The following RERG variants were observed in gnomAD, a reference collection of about 807,000 sequenced individuals.
RERG encodes ras-related and estrogen-regulated growth inhibitor.
A neutral mutation model predicts 23.2 loss-of-function variants in RERG; 25 were observed. The observed-to-expected ratio is 1.08, with a 90% CI of 0.79 to 1.50. The LOEUF (loss-of-function observed/expected upper bound fraction) is 1.50, where lower values mean the gene tolerates loss of function less well. Among genes scored for constraint, RERG ranks in the 40% most tolerant of loss-of-function variants. RERG has a pLI of 0.00. For synonymous variants in RERG, 81 were observed against 89.1 expected (o/e 0.91, Z 0.51); for missense variants, 253 against 250.1 (o/e 1.01, Z -0.08).
intron 2 of RERG, among the ~76,000 whole-genome samples, chr12:15,174,882 T>G (rs1018132559): frequency 5.3e-5 from 8 of 152,152 alleles, no homozygotes; most frequent in Non-Finnish European, 7.4e-5. Context: ...TGATTTATTT[T>G]CATGTTTTCT....
chr12:15,161,624 T>C (rs1864616336), intron 2 of RERG, among the ~76,000 whole-genome samples: 1 of 152,214 alleles, frequency 6.6e-6, no homozygotes, highest in African/African-American at 2.4e-5. Context: ...ACTTGATTGA[T>C]TATTTATCAA....
intron 2 of RERG, among the ~76,000 whole-genome samples, chr12:15,172,787 A>G (rs1230468706): frequency 6.6e-6 from 1 of 152,030 alleles, no homozygotes; most frequent in Non-Finnish European, 1.5e-5. Flanking sequence ...TCTGTGGATA[A>G]ATATCTATTC....
rs189762831 is a variant in RERG, at chr12:15,190,274, C to T, written c.61+27155G>A. ...TTGGAAGAAGAATTGTCTTGGGCCA[C>T]ACACAGAATACACTAACATTAATGA... On this transcript the variant is annotated intron_variant, in intron 2 of 4. Transcript: ENST00000256953. Among the ~76,000 whole-genome samples, 11 of 152,238 alleles carry T rather than the reference C, an allele frequency of 7.2e-5. No individual in the cohort carries two copies. The East Asian group carries it at 1.9e-3, about 27-fold the overall frequency.
chr12:15,218,691 T>C (rs1196343020), intron 1 of RERG, among the ~76,000 whole-genome samples: 1 of 151,930 alleles, frequency 6.6e-6, no homozygotes, highest in Admixed American at 6.6e-5. Flanking sequence ...TTTCTTTCAC[T>C]CAGAACCGTT....
At chr12:15,132,851 T>C (rs960811858) in intron 2 of RERG, among the ~76,000 whole-genome samples, 1 of 152,038 alleles carries the variant, frequency 6.6e-6, no homozygotes, top group Non-Finnish European at 1.5e-5. Context: ...TCTTCTTTGA[T>C]GGGGTGTCTG....
At chr12:15,177,831 C>G (rs1459068633) in intron 2 of RERG, among the ~76,000 whole-genome samples, 1 of 140,940 alleles carries the variant, frequency 7.1e-6, no homozygotes, top group Non-Finnish European at 1.5e-5. Flanking sequence ...CTCTGGCTCC[C>G]TCTGTTTGTT....
At chr12:15,163,526 C>T (rs769709787) in intron 2 of RERG, among the ~76,000 whole-genome samples, 3 of 152,190 alleles carry the variant, frequency 2.0e-5, no homozygotes, top group Non-Finnish European at 4.4e-5. Flanking sequence ...GTCTCTGCTG[C>T]GAATCCAGAT....
chr12:15,118,512 G>A (rs1863772213), intron 3 of RERG, among the ~76,000 whole-genome samples: 1 of 152,170 alleles, frequency 6.6e-6, no homozygotes, highest in Non-Finnish European at 1.5e-5. Context: ...TTTAGTCAAA[G>A]TAGCTGATAT....
intron 2 of RERG, among the ~76,000 whole-genome samples, chr12:15,162,857 T>C (rs190979313): frequency 6.6e-6 from 1 of 152,174 alleles, no homozygotes; most frequent in Admixed American, 6.5e-5. Context: ...CTGTGAAAAA[T>C]GGAACCTAGA....
rs557970694 is a variant in RERG at position 15,154,468 on chromosome 12, C to T, written c.62-33349G>A. The T allele has an allele frequency of 5.3e-5, 8 of 152,298 alleles. No individual in the cohort carries two copies. In the South Asian group the frequency reaches 1.7e-3, roughly 32 times the overall value. 9.4% of individuals were successfully genotyped at this position (152,298 alleles called of 1,614,324 possible). A position where few individuals can be genotyped will look rare whatever the true frequency, so the allele number is the denominator to read the frequency against. On this transcript the variant is annotated intron_variant, in intron 2 of 4. Transcript: ENST00000256953. ...GATTATTGTTCCTTATGAAGGAGAGCAGTGTCTCTAATAATCAGAAAAGAA... is the reference window on the plus strand; with the variant it reads ...GATTATTGTTCCTTATGAAGGAGAGTAGTGTCTCTAATAATCAGAAAAGAA...
At chr12:15,174,040 A>G (rs1354902414) in intron 2 of RERG, among the ~76,000 whole-genome samples, 3 of 151,978 alleles carry the variant, frequency 2.0e-5, no homozygotes, top group Non-Finnish European at 4.4e-5. Context: ...AGCACTCCCT[A>G]TTGTCCTTTC....
chr12:15,206,844 A>G (rs1469865859), intron 2 of RERG, among the ~76,000 whole-genome samples: 1 of 152,152 alleles, frequency 6.6e-6, no homozygotes, highest in Non-Finnish European at 1.5e-5. Flanking sequence ...TATTTGGGCC[A>G]ATAATGGTTG....
intron 2 of RERG, among the ~76,000 whole-genome samples, chr12:15,157,787 T>A (rs1340477451): frequency 3.3e-5 from 5 of 152,286 alleles, no homozygotes; most frequent in African/African-American, 1.2e-4. Context: ...CATTTTTTTG[T>A]CACTCTTTTG....
chr12:15,108,196 C>T lies in RERG; in HGVS notation c.*914G>A, dbSNP rs973171354. 1.3e-5 allele frequency: 2 copies of T among 152,220 alleles called. No individual in the cohort carries two copies. The highest frequency in any genetic ancestry group is 1.3e-4 in the Admixed American group (2 of 15,288). 9.4% of individuals were successfully genotyped at this position (152,220 alleles called of 1,614,324 possible). On this transcript the variant is annotated 3_prime_UTR_variant, in exon 5 of 5. Transcript: ENST00000256953. ...ATGAATCAGAGGCTAATTTTTCTTA[C>T]TGTACCTGGCTCAAAGTCTAGACTT...
At chr12:15,156,172 C>T (rs1864519717) in intron 2 of RERG, among the ~76,000 whole-genome samples, 1 of 151,988 alleles carries the variant, frequency 6.6e-6, no homozygotes, top group Non-Finnish European at 1.5e-5. Context: ...TTTGAGATAT[C>T]AGCAACAACT....
intron 2 of RERG, among the ~76,000 whole-genome samples, chr12:15,182,436 C>G (rs1022030860): frequency 6.6e-6 from 1 of 152,192 alleles, no homozygotes; most frequent in South Asian, 2.1e-4. Context: ...CCTCCCAAGT[C>G]TTAGCCATAA....
chr12:15,178,888 C>T (rs920632963), intron 2 of RERG, among the ~76,000 whole-genome samples: 16 of 152,162 alleles, frequency 1.1e-4, no homozygotes, highest in African/African-American at 3.9e-4. Context: ...TTAAAAATTA[C>T]ATCAACTCTT....
At chr12:15,125,472 C>T (rs1863921586) in intron 2 of RERG, among the ~76,000 whole-genome samples, 2 of 152,096 alleles carry the variant, frequency 1.3e-5, no homozygotes, top group South Asian at 4.1e-4. Context: ...TTCATTTCTC[C>T]TCCATTTTCA....
intron 1 of RERG, among the ~76,000 whole-genome samples, chr12:15,220,741 G>A (rs1865501546): frequency 6.6e-6 from 1 of 152,126 alleles, no homozygotes; most frequent in Non-Finnish European, 1.5e-5. Context: ...CTGGAAATGA[G>A]ATTCTCTTCT....
Sources: gnomAD v4.1 joint callset for allele counts (sites outside exome capture counted in the v4.1 genomes callset) on GRCh38, gnomAD v4.1.1 for gene constraint, MANE v1.5 for transcripts, NCBI Gene and HGNC (gene_info 2026-07-23, HGNC 2026-07-21) for gene names.